The following SLC25A20 variants were observed in gnomAD, a reference collection of about 807,000 sequenced individuals.
SLC25A20 encodes the protein mitochondrial carnitine/acylcarnitine carrier protein.
SLC25A20 carries 29 observed loss-of-function variants against 39.7 expected under a neutral mutation model. The observed-to-expected ratio is 0.73, with a 90% CI of 0.54 to 1.00. The LOEUF is 1.00. SLC25A20 is among the 50% of genes least tolerant of loss of function. SLC25A20 has a pLI of 0.00. For missense variants in SLC25A20, 333 were observed against 379.9 expected, an observed-to-expected ratio of 0.88 and a Z score of 1.03; for synonymous variants, 103 against 142.2, an observed-to-expected ratio of 0.72 and a Z score of 1.96.
chr3:48,867,827 G>A (rs373179345), intron 4 of SLC25A20, among the ~76,000 whole-genome samples: 4 of 151,520 alleles, frequency 2.6e-5, no homozygotes, highest in Non-Finnish European at 5.9e-5. Flanking sequence ...TTGGGAGACC[G>A]AGGCAGGCGG....
Position 48,857,132 on chromosome 3 carries a change from T to TA in SLC25A20, c.*577dup, listed in dbSNP as rs533476473. ...TTTTACTTTTGATTATTTGCAGGCA[T>TA]AAAAAAAAAAAATCAAAATCCAACG... On this transcript the variant is annotated 3_prime_UTR_variant, in exon 9 of 9. Coordinates refer to ENST00000319017, the MANE Select transcript of SLC25A20 (RefSeq NM_000387.6). 299 of 146,056 alleles carry TA rather than the reference T, an allele frequency of 2.0e-3. No individual in the cohort carries two copies. The highest frequency in any genetic ancestry group is 4.2e-3 in the South Asian group (20 of 4,756). 9.0% of individuals were successfully genotyped at this position (146,056 alleles called of 1,614,324 possible).
chr3:48,882,231 T>G (rs1322263251), intron 3 of SLC25A20, among the ~76,000 whole-genome samples: 1 of 152,260 alleles, frequency 6.6e-6, no homozygotes, highest in Non-Finnish European at 1.5e-5. Context: ...AATTCTGAAC[T>G]ATAATTCTGT....
chr3:48,870,115 A>G (rs2083702770), intron 4 of SLC25A20, among the ~76,000 whole-genome samples: 1 of 151,960 alleles, frequency 6.6e-6, no homozygotes. Flanking sequence ...AAAAAAGGAA[A>G]TAGGCTTGGC....
chr3:48,879,272 TTTA>T, intron 4 of SLC25A20, 83 bp downstream of exon 4: 5 of 1,044,064 alleles, frequency 4.8e-6, no homozygotes, highest in Non-Finnish European at 7.6e-6. Context: ...TCCTGAAGCC[TTTA>T]TTAAGGGTGA....
chr3:48,879,999 A>G (rs538109822), intron 3 of SLC25A20, among the ~76,000 whole-genome samples: 5 of 152,254 alleles, frequency 3.3e-5, no homozygotes, highest in Admixed American at 6.5e-5. Flanking sequence ...GGCTGTGGCC[A>G]CCTCTAAAGG....
chr3:48,898,451 G>A (rs182485830), intron 1 of SLC25A20, among the ~76,000 whole-genome samples: 2 of 152,358 alleles, frequency 1.3e-5, no homozygotes, highest in Admixed American at 1.3e-4. Flanking sequence ...GCGGGACAGG[G>A]AACTTTACAT....
rs71077746 is a variant in SLC25A20, at chr3:48,871,982, A to ATTT, written c.417+7373_417+7375dup. Among the ~76,000 whole-genome samples the ATTT allele has an allele frequency of 1.0e-3, 57 of 56,716 alleles. 5 individuals are homozygous for ATTT. The highest frequency in any genetic ancestry group is 2.9e-3 in the East Asian group (4 of 1,378). The allele number at this position is 56,716 out of a possible 152,430, so 37.2% of individuals were successfully genotyped here. On this transcript the variant is annotated intron_variant, in intron 4 of 8. Coordinates refer to ENST00000319017, the MANE Select transcript of SLC25A20 (RefSeq NM_000387.6). ...AGGTGCATACCACCATGCCCAGCTA[A>ATTT]TTTTTTTTTTTTTTTTTTTTTTTTT...
At chr3:48,894,522 C>T (rs1260716721) in intron 1 of SLC25A20, among the ~76,000 whole-genome samples, 2 of 151,834 alleles carry the variant, frequency 1.3e-5, no homozygotes, top group Non-Finnish European at 2.9e-5. Context: ...ATCCACCCGC[C>T]TCGGCCTCCC....
chr3:48,895,798 A>C, intron 1 of SLC25A20: 1 of 456,530 alleles, frequency 2.2e-6, no homozygotes, highest in Non-Finnish European at 4.4e-6. Context: ...GATCTCCCAT[A>C]GTCAGGCATA....
At chr3:48,885,886 G>A (rs2083825753) in intron 2 of SLC25A20, among the ~76,000 whole-genome samples, 1 of 152,034 alleles carries the variant, frequency 6.6e-6, no homozygotes. Flanking sequence ...GCAGTGTGTA[G>A]CAAACCAAAC....
chr3:48,868,786 T>C (rs976527275), intron 4 of SLC25A20, among the ~76,000 whole-genome samples: 5 of 152,148 alleles, frequency 3.3e-5, no homozygotes, highest in African/African-American at 1.2e-4. Context: ...AGCATAGACT[T>C]TCACCTTTAT....
At chr3:48,872,255 C>G (rs781156819) in intron 4 of SLC25A20, among the ~76,000 whole-genome samples, 4 of 151,684 alleles carry the variant, frequency 2.6e-5, no homozygotes, top group African/African-American at 9.7e-5. Context: ...CTCAACCTCC[C>G]GAGTAACTGG....
At position 48,857,665 on chromosome 3, in the gene SLC25A20, C is replaced by T. The variant is rs758997888; in HGVS notation, c.*45G>A. 1.7e-5 allele frequency: 27 copies of T among 1,588,264 alleles called. No homozygotes were observed. Among genetic ancestry groups the T allele is most frequent in the Admixed American group, 1.0e-4 (6 of 59,378 alleles). On this transcript the variant is annotated 3_prime_UTR_variant, in exon 9 of 9. Coordinates refer to ENST00000319017, the MANE Select transcript of SLC25A20 (RefSeq NM_000387.6). ...TCTGCTTACTACTCCTTCTCCTCAA[C>T]GACAGCTTCCAGCATCCAGAAGTGA...
Position 48,879,444 on chromosome 3 carries a change from G to A in SLC25A20, c.331C>T (p.Pro111Ser). 2 of 1,612,244 alleles carry A rather than the reference G, an allele frequency of 1.2e-6. No individual in the cohort carries two copies. The highest frequency in any genetic ancestry group is 1.7e-6 in the Non-Finnish European group (2 of 1,178,300). ...QKHPEDVLSY[P>S]QLFAAGMLSG... ...AACATCCCAGCTGCAAAAAGCTGGG[G>A]ATAGCTGCATTGAAAACAAAAAGCA... is the stretch of plus-strand genomic sequence containing the variant. Residue 111 changes from proline (P) to serine (S), a missense_variant, in exon 4 of 9, where the codon CCC (proline) becomes TCC (serine). By Grantham distance (74) the Pro-to-Ser change is moderately conservative. Coordinates refer to ENST00000319017, the MANE Select transcript of SLC25A20 (RefSeq NM_000387.6).
intron 4 of SLC25A20, among the ~76,000 whole-genome samples, chr3:48,877,029 G>A (rs1458291258): frequency 1.3e-5 from 2 of 152,104 alleles, no homozygotes; most frequent in African/African-American, 4.8e-5. Flanking sequence ...CCAGGAGGCA[G>A]AGGTTGCAGT....
rs570345805 is a variant in SLC25A20 at position 48,885,131 on chromosome 3, C to T, written c.199-1007G>A. On this transcript the variant is annotated intron_variant, in intron 2 of 8. Coordinates refer to ENST00000319017, the MANE Select transcript of SLC25A20 (RefSeq NM_000387.6). ...AAATAAAAAATAAAAGTTAGCCAGA[C>T]GTGGTGGTGTGTGCCTGTAGTCCTA... Among the ~76,000 whole-genome samples the T allele has an allele frequency of 2.6e-5, 4 of 152,090 alleles. No homozygotes were observed. In the South Asian group the frequency reaches 6.2e-4, roughly 24 times the overall value.
intron 2 of SLC25A20, among the ~76,000 whole-genome samples, chr3:48,890,485 G>A (rs1012928907): frequency 7.3e-5 from 11 of 150,670 alleles, no homozygotes; most frequent in African/African-American, 2.0e-4. Context: ...CACCGCGCCC[G>A]GCCTGATCTT....
At chr3:48,890,360 G>A (rs1225288712) in intron 2 of SLC25A20, among the ~76,000 whole-genome samples, 1 of 151,842 alleles carries the variant, frequency 6.6e-6, no homozygotes, top group East Asian at 1.9e-4. Context: ...CTAATTTTTT[G>A]TATTTTTTTT....
At chr3:48,870,550 TTC>T (rs1159494703) in intron 4 of SLC25A20, among the ~76,000 whole-genome samples, 1 of 151,552 alleles carries the variant, frequency 6.6e-6, no homozygotes, top group Non-Finnish European at 1.5e-5. Context: ...AATCAAATTT[TTC>T]TTTTTCTTTT....
Sources: allele counts gnomAD v4.1 joint callset (sites outside exome capture counted in the v4.1 genomes callset), GRCh38; gene constraint gnomAD v4.1.1; transcripts MANE v1.5; gene names NCBI Gene and HGNC (gene_info 2026-07-23, HGNC 2026-07-21).